Variants in TSFM observed in about 807,000 individuals in gnomAD.
The protein encoded by TSFM is Ts translation elongation factor, mitochondrial.
A neutral mutation model predicts 33.4 loss-of-function variants in TSFM; 29 were observed. The observed-to-expected ratio is 0.87, with a 90% CI of 0.65 to 1.18. TSFM has a LOEUF of 1.18. TSFM is among the 50% of genes most tolerant of loss of function. TSFM has a pLI of 0.00. For synonymous variants in TSFM, 178 were observed against 163.5 expected (o/e 1.09, Z -0.68); for missense variants, 394 against 395.6 (o/e 1.00, Z 0.04).
intron 2 of TSFM, chr12:57,783,835 C>G (rs1387585019): frequency 1.3e-5 from 8 of 637,450 alleles, no homozygotes; most frequent in African/African-American, 3.6e-5. Context: ...AGGCTGGTCT[C>G]GAACTCCTGG....
rs1477391859 is a variant in TSFM at position 57,796,296 on chromosome 12, C to A, written c.691C>A (p.Leu231Met). The change falls in exon 6 of 6, where the codon CTG becomes ATG. Residue 231 changes from leucine to methionine, a missense_variant. By Grantham distance (15) the Leu-to-Met change is conservative. Around this residue, in one of 3 missense-constraint regions of TSFM, gnomAD observed 186 missense variants for 198.8 expected, o/e 0.94. Coordinates refer to ENST00000652027, the MANE Select transcript of TSFM (RefSeq NM_005726.6). ...GAGTCCCTCACTTCACAAGCTGGTGCTGGGGAAGTATGGGGCCCTGGTCAT... is the reference window on the plus strand; with the variant it reads ...GAGTCCCTCACTTCACAAGCTGGTGATGGGGAAGTATGGGGCCCTGGTCAT... ...MQSPSLHKLV[L>M]GKYGALVICE... 6.2e-7 allele frequency: 1 copy of A among 1,612,386 alleles called. No individual in the cohort carries two copies. The highest frequency in any genetic ancestry group is 8.5e-7 in the Non-Finnish European group (1 of 1,179,198).
Position 57,796,509 on chromosome 12 carries a change from C to A in TSFM, c.904C>A (p.Pro302Thr), listed in dbSNP as rs777631241. Reference sequence around the variant, plus strand: ...CATTACCTTGGGGCAGTATGTGCAGCCTCAGGGGGTGTCGGTAGTAGACTT... The same window carrying A: ...CATTACCTTGGGGCAGTATGTGCAGACTCAGGGGGTGTCGGTAGTAGACTT... ...PSITLGQYVQPQGVSVVDFVR... is the reference protein window; with the variant it reads ...PSITLGQYVQTQGVSVVDFVR... Residue 302 changes from proline to threonine, a missense_variant, in exon 6 of 6, where the codon CCT becomes ACT. Physicochemically the swap from Pro to Thr is conservative, Grantham distance 38. Transcript: ENST00000652027. 1 of 1,530,848 alleles carries A rather than the reference C, an allele frequency of 6.5e-7. No homozygotes were observed. Among genetic ancestry groups the A allele is most frequent in the Non-Finnish European group, 8.8e-7 (1 of 1,138,292 alleles). The allele number at this position is 1,530,848 out of a possible 1,614,324, so 94.8% of individuals were successfully genotyped here.
In TSFM at chr12:57,783,186, C is replaced by G; in HGVS notation, c.134C>G (p.Ser45Cys). 1 of 1,613,754 alleles carries G rather than the reference C, an allele frequency of 6.2e-7. No homozygotes were observed. The highest frequency in any genetic ancestry group is 8.5e-7 in the Non-Finnish European group (1 of 1,179,900). ...GGGCCCCGTCTGTCTGCCTCGGCCT[C>G]CAGCAAGGAGCTCCTCATGAAGCTG... ...YAGPRLSASASSKELLMKLRR... is the reference protein window; with the variant it reads ...YAGPRLSASACSKELLMKLRR... Residue 45 changes from serine to cysteine, a missense_variant, in exon 2 of 6, where the codon TCC becomes TGC. Ser to Cys is a moderately radical substitution (Grantham distance 112). Coordinates refer to ENST00000652027, the MANE Select transcript of TSFM (RefSeq NM_005726.6).
At chr12:57,795,011 G>A (rs533278332) in intron 5 of TSFM, among the ~76,000 whole-genome samples, 1 of 150,648 alleles carries the variant, frequency 6.6e-6, no homozygotes, top group Admixed American at 6.6e-5. Context: ...CGCCCACCTC[G>A]GCCTCCCAAA....
At chr12:57,793,256 C>G (rs982686227) in intron 5 of TSFM, among the ~76,000 whole-genome samples, 183 bp downstream of exon 5, 16 of 151,790 alleles carry the variant, frequency 1.1e-4, no homozygotes, top group Admixed American at 2.6e-4. Flanking sequence ...GAGACAGAGT[C>G]TTGCTCTGTT....
At chr12:57,802,690 G>C (rs990746493), downstream of TSFM, 1 of 618,446 alleles carries the variant, frequency 1.6e-6, no homozygotes, top group Non-Finnish European at 2.9e-6. Flanking sequence ...TACTAAACTT[G>C]TATCTGAGTC....
chr12:57,796,877 CTT>C lies in TSFM; in HGVS notation c.*295_*296del. The C allele has an allele frequency of 9.5e-7, 1 of 1,050,122 alleles. No homozygotes were observed. The highest frequency in any genetic ancestry group is 7.1e-5 in the East Asian group (1 of 14,158). The allele number at this position is 1,050,122 out of a possible 1,614,324, so 65.1% of individuals were successfully genotyped here. ...ATTATGGTATTTCTGAAATTTCTAA[CTT>C]ATATGTTCTGTCTTACACCTTTTAT... On this transcript the variant is annotated 3_prime_UTR_variant, in exon 6 of 6. Coordinates refer to ENST00000652027, the MANE Select transcript of TSFM (RefSeq NM_005726.6).
chr12:57,786,119 A>G (rs1955587702), intron 2 of TSFM, 44 bp from the exon 3 acceptor site: 1 of 1,555,676 alleles, frequency 6.4e-7, no homozygotes, highest in South Asian at 1.2e-5. Context: ...TTAGTGCTAA[A>G]TTCTGTGACT....
rs1317173723 is a variant in TSFM at position 57,792,896 on chromosome 12, C to G, written c.484-90C>G. 4 of 1,350,318 alleles carry G rather than the reference C, an allele frequency of 3.0e-6. 1 individual carries two copies. The highest frequency in any genetic ancestry group is 2.5e-5 in the East Asian group (1 of 40,460). 83.6% of individuals were successfully genotyped at this position (1,350,318 alleles called of 1,614,324 possible). On this transcript the variant is annotated intron_variant, in intron 4 of 5. Transcript: ENST00000652027. Reference sequence around the variant, plus strand: ...CGTGAGCCACCACGCCTGGCCAATACTTTTCTTAGAGATAGACTATTTTTG... The same window carrying G: ...CGTGAGCCACCACGCCTGGCCAATAGTTTTCTTAGAGATAGACTATTTTTG...
downstream of TSFM, chr12:57,802,807 T>A (rs936489307): frequency 7.6e-5 from 43 of 569,146 alleles, no homozygotes; most frequent in African/African-American, 7.3e-4. Context: ...CAACTTTACC[T>A]CCTAAGCATT....
intron 1 of TSFM, 89 bp downstream of exon 1, chr12:57,782,947 C>T: frequency 6.7e-7 from 1 of 1,490,182 alleles, no homozygotes; most frequent in South Asian, 1.3e-5. Flanking sequence ...CCTCGTTTGA[C>T]TCCATCTCAC....
chr12:57,799,810 G>T (rs202198298), downstream of TSFM: 209 of 1,614,026 alleles, frequency 1.3e-4, 7 homozygotes, highest in East Asian at 7.6e-4. Flanking sequence ...TTTTGGCAGG[G>T]TTTACATCCT....
chr12:57,787,319 A>AT (rs1381573153), intron 4 of TSFM, among the ~76,000 whole-genome samples, 157 bp downstream of exon 4: 1 of 152,126 alleles, frequency 6.6e-6, no homozygotes, highest in Non-Finnish European at 1.5e-5. Flanking sequence ...CCGTTGCTAT[A>AT]TCCCCGTGTC....
downstream of TSFM, chr12:57,797,907 A>C (rs752736115): frequency 1.9e-6 from 3 of 1,612,242 alleles, no homozygotes; most frequent in Non-Finnish European, 2.5e-6. Flanking sequence ...TTCTTTCTTC[A>C]TTTGGAGCTG....
chr12:57,796,431 G>A lies in TSFM; in HGVS notation c.826G>A (p.Gly276Arg), dbSNP rs1266966066. The A allele has an allele frequency of 6.9e-6, 11 of 1,602,500 alleles. No homozygotes were observed. The highest frequency in any genetic ancestry group is 2.7e-5 in the African/African-American group (2 of 74,740). ...LSVGSLDDEP[G>R]GEAETKMLSQ... ...TGTTGGCTCCCTGGACGATGAGCCT[G>A]GGGGAGAGGCAGAGACTAAGATGCT... The change falls in exon 6 of 6, where the codon GGG becomes AGG. Residue 276 changes from glycine (G) to arginine (R), a missense_variant. Physicochemically the swap from Gly to Arg is moderately radical, Grantham distance 125. Coordinates refer to ENST00000652027, the MANE Select transcript of TSFM (RefSeq NM_005726.6).
chr12:57,798,783 A>AT, downstream of TSFM, among the ~76,000 whole-genome samples: 1 of 151,738 alleles, frequency 6.6e-6, no homozygotes, highest in African/African-American at 2.4e-5. Context: ...CGCCTGGCTA[A>AT]TTTTTGTATT....
In TSFM at chr12:57,796,787, A is replaced by G; in HGVS notation, c.*204A>G. The G allele has an allele frequency of 4.2e-6, 5 of 1,203,910 alleles. No individual in the cohort carries two copies. The highest frequency in any genetic ancestry group is 5.1e-6 in the Non-Finnish European group (5 of 971,360). The allele number at this position is 1,203,910 out of a possible 1,614,324, so 74.6% of individuals were successfully genotyped here. A position where few individuals can be genotyped will look rare whatever the true frequency, so the allele number is the denominator to read the frequency against. On this transcript the variant is annotated 3_prime_UTR_variant, in exon 6 of 6. Transcript: ENST00000652027. Reference sequence around the variant, plus strand: ...CTTTCAAAAACAACAGGTGGGCCTTATTGACGTGATAGTGTCGTGGAGAAC... The same window carrying G: ...CTTTCAAAAACAACAGGTGGGCCTTGTTGACGTGATAGTGTCGTGGAGAAC...
At chr12:57,800,064 C>G (rs1385388527), downstream of TSFM, 1 of 1,110,454 alleles carries the variant, frequency 9.0e-7, no homozygotes, top group Non-Finnish European at 1.3e-6. Flanking sequence ...CTCCCCAAAC[C>G]TGGCTGCATG....
chr12:57,801,723 A>G (rs1224866548), downstream of TSFM, among the ~76,000 whole-genome samples: 1 of 152,118 alleles, frequency 6.6e-6, no homozygotes, highest in Admixed American at 6.5e-5. Context: ...CTGGACAACA[A>G]GAGCGAAATT....
Sources: allele counts gnomAD v4.1 joint callset (sites outside exome capture counted in the v4.1 genomes callset), GRCh38; gene constraint gnomAD v4.1.1; regional missense constraint gnomAD v4.1.1; transcripts MANE v1.5; gene names NCBI Gene and HGNC (gene_info 2026-07-23, HGNC 2026-07-21).